SEM1: variants seen among roughly 807,000 people sequenced by gnomAD.
SEM1 encodes the protein 26S proteasome complex subunit SEM1.
SEM1 carries 3 observed loss-of-function variants against 12.7 expected under a neutral mutation model. The observed-to-expected ratio is 0.24, with a 90% confidence interval of 0.11 to 0.61. The LOEUF is 0.61. Ranked by LOEUF, SEM1 falls within the 20% of genes least tolerant of loss-of-function variation. The probability of loss-of-function intolerance (pLI) is 0.88; values close to 1 mark genes in which losing one functional copy is unlikely to be tolerated. For missense variants in SEM1, 59 were observed against 81.3 expected, an observed-to-expected ratio of 0.73 and a Z score of 1.06; for synonymous variants, 30 against 27.8, an observed-to-expected ratio of 1.08 and a Z score of -0.25.
At chr7:96,538,585 C>T (rs140026034) in intron 2 of SEM1, among the ~76,000 whole-genome samples, 175 of 151,940 alleles carry the variant, frequency 1.2e-3, no homozygotes, top group African/African-American at 3.8e-3. Context: ...CTATGTCTTG[C>T]AGCTCTTTCA....
chr7:96,562,631 G>C (rs1034949807), intron 2 of SEM1, among the ~76,000 whole-genome samples: 2 of 152,156 alleles, frequency 1.3e-5, no homozygotes, highest in Non-Finnish European at 2.9e-5. Flanking sequence ...ATTCAAGGGA[G>C]ACACTCATAT....
intron 2 of SEM1, among the ~76,000 whole-genome samples, chr7:96,579,254 T>G (rs1434752350): frequency 6.6e-6 from 1 of 152,254 alleles, no homozygotes; most frequent in African/African-American, 2.4e-5. Context: ...AATATAGTTA[T>G]GCCTTTCAGC....
At chr7:96,647,556 T>G (rs1160549538) in intron 2 of SEM1, 1 of 151,894 alleles carries the variant, frequency 6.6e-6, no homozygotes, top group Non-Finnish European at 1.5e-5. Flanking sequence ...AGATAGCAAA[T>G]AAGAGCTCTT....
intron 2 of SEM1, among the ~76,000 whole-genome samples, chr7:96,589,702 A>T (rs943997886): frequency 6.6e-6 from 1 of 152,188 alleles, no homozygotes; most frequent in Non-Finnish European, 1.5e-5. Flanking sequence ...ATGATTTTGA[A>T]AAGAAATTAT....
chr7:96,700,775 G>C (rs2115969490), intron 1 of SEM1, among the ~76,000 whole-genome samples: 1 of 152,200 alleles, frequency 6.6e-6, no homozygotes, highest in East Asian at 1.9e-4. Flanking sequence ...GTTTTTCAAA[G>C]AGTTTTTCAG....
At chr7:96,687,792 A>T (rs553843232), downstream of SEM1, among the ~76,000 whole-genome samples, 914 of 150,360 alleles carry the variant, frequency 6.1e-3, 6 homozygotes, top group African/African-American at 9.9e-3. Context: ...ATAATAATTT[A>T]AAAAAAAAGA....
intron 2 of SEM1, among the ~76,000 whole-genome samples, chr7:96,574,270 A>C (rs1442872675): frequency 6.6e-6 from 1 of 152,038 alleles, no homozygotes. Context: ...TGAACTCATC[A>C]TTTTTTATGG....
At chr7:96,685,783 T>TA (rs529595521), downstream of SEM1, among the ~76,000 whole-genome samples, 9,220 of 118,268 alleles carry the variant, frequency 0.078, 296 homozygotes, top group South Asian at 0.1. Context: ...CATGGCTCAG[T>TA]AAAAAAAAAA....
downstream of SEM1, among the ~76,000 whole-genome samples, chr7:96,685,777 G>C (rs1325619055): frequency 6.8e-6 from 1 of 147,392 alleles, no homozygotes; most frequent in Non-Finnish European, 1.5e-5. Flanking sequence ...TGGTAGCATG[G>C]CTCAGTAAAA....
At chr7:96,677,560 TGAGA>T (rs1252247577) in intron 2 of SEM1, among the ~76,000 whole-genome samples, 1 of 151,978 alleles carries the variant, frequency 6.6e-6, no homozygotes, top group African/African-American at 2.4e-5. Flanking sequence ...TGAAAGGAAG[TGAGA>T]GAGTTATTAG....
At chr7:96,518,760 G>T (rs1019231671) in intron 2 of SEM1, among the ~76,000 whole-genome samples, 2 of 152,086 alleles carry the variant, frequency 1.3e-5, no homozygotes, top group Non-Finnish European at 2.9e-5. Context: ...AGTAAATGAG[G>T]TGATGTTTTA....
chr7:96,690,777 T>G (rs1201786700), intron 2 of SEM1, among the ~76,000 whole-genome samples: 2 of 152,076 alleles, frequency 1.3e-5, no homozygotes, highest in African/African-American at 2.4e-5. Context: ...ACTGGATTTT[T>G]TTGTTGTTGT....
At chr7:96,632,355 C>G (rs1165520138) in intron 2 of SEM1, among the ~76,000 whole-genome samples, 2 of 152,078 alleles carry the variant, frequency 1.3e-5, no homozygotes, top group Non-Finnish European at 2.9e-5. Context: ...ACATATACAC[C>G]ATGGAATACT....
At chr7:96,617,229 G>A (rs757774982) in intron 2 of SEM1, among the ~76,000 whole-genome samples, 1 of 152,082 alleles carries the variant, frequency 6.6e-6, no homozygotes. Context: ...TCTTTCATCA[G>A]TGTTTTATAA....
At chr7:96,549,441 T>G (rs1040210952) in intron 2 of SEM1, among the ~76,000 whole-genome samples, 1 of 152,168 alleles carries the variant, frequency 6.6e-6, no homozygotes, top group African/African-American at 2.4e-5. Flanking sequence ...AAACTTACCT[T>G]GAGGCAGATC....
chr7:96,671,032 T>C (rs1789301377), downstream of SEM1, among the ~76,000 whole-genome samples: 1 of 152,186 alleles, frequency 6.6e-6, no homozygotes, highest in Non-Finnish European at 1.5e-5. Flanking sequence ...ACTTCTGCAC[T>C]GATTAAGCTG....
chr7:96,553,295 G>A (rs564748111), intron 2 of SEM1, among the ~76,000 whole-genome samples: 3,125 of 151,312 alleles, frequency 0.021, 121 homozygotes, highest in African/African-American at 0.073. Flanking sequence ...ATGGTAATGC[G>A]TAGGTTTTCT....
intron 2 of SEM1, among the ~76,000 whole-genome samples, chr7:96,636,459 C>T (rs192577871): frequency 6.6e-6 from 1 of 152,092 alleles, no homozygotes; most frequent in Non-Finnish European, 1.5e-5. Flanking sequence ...CCCATGGTTA[C>T]CACCAAGAGC....
At chr7:96,517,629 C>A (rs887556719) in intron 2 of SEM1, among the ~76,000 whole-genome samples, 6 of 152,030 alleles carry the variant, frequency 3.9e-5, no homozygotes, top group Non-Finnish European at 7.4e-5. Context: ...TATTTACATA[C>A]TTTGCTGTTC....
Sources: gnomAD v4.1 joint callset for allele counts (sites outside exome capture counted in the v4.1 genomes callset) on GRCh38, gnomAD v4.1.1 for gene constraint, MANE v1.5 for transcripts, NCBI Gene and HGNC (gene_info 2026-07-23, HGNC 2026-07-21) for gene names.